The following MAPT variants were observed in gnomAD, a reference collection of about 807,000 sequenced individuals.
MAPT encodes microtubule-associated protein tau.
Under a neutral mutation model 67.9 loss-of-function variants are expected in MAPT, and 34 were observed. The observed-to-expected ratio is 0.50, with a 90% CI of 0.38 to 0.67. The LOEUF is 0.67. Ranked by LOEUF, MAPT falls within the 30% of genes least tolerant of loss-of-function variation. MAPT has a pLI of 0.00. For synonymous variants in MAPT, 456 were observed against 464.5 expected, an observed-to-expected ratio of 0.98 and a Z score of 0.23; for missense variants, 881 against 1,115.2, an observed-to-expected ratio of 0.79 and a Z score of 2.99.
intron 11 of MAPT, among the ~76,000 whole-genome samples, chr17:46,014,817 T>C (rs1347492005): frequency 6.7e-6 from 1 of 150,030 alleles, no homozygotes; most frequent in Non-Finnish European, 1.5e-5. Context: ...GAGCTTGCAG[T>C]GAGCGGAGTG....
At chr17:45,982,842 G>GCTAT in intron 4 of MAPT, 24 bp from the exon 5 acceptor site, 1 of 1,240,424 alleles carries the variant, frequency 8.1e-7, no homozygotes, top group Non-Finnish European at 1.0e-6. Context: ...CTAACCTTTT[G>GCTAT]CTATCGCTGC....
chr17:45,974,103 G>T, intron 3 of MAPT: 1 of 516,900 alleles, frequency 1.9e-6, no homozygotes, highest in Non-Finnish European at 3.5e-6. Context: ...CTGGGGCCAT[G>T]CCCAGCAGTC....
At chr17:45,977,497 T>A (rs1424299007) in intron 3 of MAPT, 1 of 152,212 alleles carries the variant, frequency 6.6e-6, no homozygotes, top group Non-Finnish European at 1.5e-5. Flanking sequence ...CTTATAAACT[T>A]TTTTTCTGGA....
chr17:45,968,046 C>G (rs1410340184), intron 2 of MAPT, among the ~76,000 whole-genome samples: 1 of 152,178 alleles, frequency 6.6e-6, no homozygotes, highest in Non-Finnish European at 1.5e-5. Context: ...ACCCTCCGCC[C>G]TTCATCCTGT....
At chr17:45,997,299 A>G (rs2145843296) in intron 9 of MAPT, among the ~76,000 whole-genome samples, 1 of 152,180 alleles carries the variant, frequency 6.6e-6, no homozygotes, top group South Asian at 2.1e-4. Flanking sequence ...CATACAAAGC[A>G]CCACAGTGAA....
chr17:45,970,673 G>A (rs2145446241), intron 2 of MAPT, among the ~76,000 whole-genome samples: 1 of 152,364 alleles, frequency 6.6e-6, no homozygotes, highest in African/African-American at 2.4e-5. Context: ...TTTTACAGAT[G>A]AGGAAACGGA....
At chr17:45,913,236 G>C (rs2064927629) in intron 1 of MAPT, among the ~76,000 whole-genome samples, 1 of 152,222 alleles carries the variant, frequency 6.6e-6, no homozygotes, top group Non-Finnish European at 1.5e-5. Flanking sequence ...GATGGCAGCA[G>C]ACAGACAGGG....
chr17:45,983,044 T>C lies in MAPT; in HGVS notation c.465T>C (p.Arg155=). Residue 155 remains arginine (R), a synonymous_variant, in exon 5 of 13, where the codon CGT becomes CGC. Coordinates refer to ENST00000262410, the MANE Select transcript of MAPT (RefSeq NM_001377265.1). ...TGACCGCGAGCCTTCCTCAGCACCGTCCCGTTTGCCCAGCGCCTCCTCCAA... is the reference window on the plus strand; with the variant it reads ...TGACCGCGAGCCTTCCTCAGCACCGCCCCGTTTGCCCAGCGCCTCCTCCAA... ...VPLTASLPQH[R]PVCPAPPPTG... 2 of 1,514,520 alleles carry C rather than the reference T, an allele frequency of 1.3e-6. No individual in the cohort carries two copies. The highest frequency in any genetic ancestry group is 1.4e-5 in the African/African-American group (1 of 72,066). 93.8% of individuals were successfully genotyped at this position (1,514,520 alleles called of 1,614,324 possible).
At chr17:45,943,064 C>G (rs2068137440) in intron 1 of MAPT, among the ~76,000 whole-genome samples, 1 of 152,100 alleles carries the variant, frequency 6.6e-6, no homozygotes, top group South Asian at 2.1e-4. Context: ...TGGCACTTCT[C>G]TTTTTTTGAG....
rs2074535383 is a variant in MAPT at position 45,996,977 on chromosome 17, C to T, written c.1998+313C>T. On this transcript the variant is annotated intron_variant, in intron 9 of 12. Transcript: ENST00000262410. This position sits in a 1 kb window ranked among gnomAD's most constrained non-coding sequence, Gnocchi z 4.5. ...TGTTAATCGGACAGAGATGGCAGGG[C>T]TGTGTCTCCACGGCCGGAGGCTCTC... Among the ~76,000 whole-genome samples the T allele has an allele frequency of 6.6e-6, 1 of 152,226 alleles. No homozygotes were observed. Among genetic ancestry groups the T allele is most frequent in the Non-Finnish European group, 1.5e-5 (1 of 68,050 alleles).
At position 45,906,408 on chromosome 17, in the gene MAPT, G is replaced by C. The variant is rs889095578; in HGVS notation, c.-18+11722G>C. Among the ~76,000 whole-genome samples, 1 of 152,140 alleles carries C rather than the reference G, an allele frequency of 6.6e-6. No individual in the cohort carries two copies. Among genetic ancestry groups the C allele is most frequent in the Non-Finnish European group, 1.5e-5 (1 of 68,010 alleles). ...TAGCATGTGACAGGAATCGATTAAGGCATGAGTGATTAAATTAAAGCCAGG... is the reference window on the plus strand; with the variant it reads ...TAGCATGTGACAGGAATCGATTAAGCCATGAGTGATTAAATTAAAGCCAGG... On this transcript the variant is annotated intron_variant, in intron 1 of 12. Transcript: ENST00000262410. This position sits in a 1 kb window ranked among gnomAD's most constrained non-coding sequence, Gnocchi z 4.3.
At chr17:45,903,109 T>G (rs1241788024) in intron 1 of MAPT, among the ~76,000 whole-genome samples, 3 of 152,144 alleles carry the variant, frequency 2.0e-5, no homozygotes, top group African/African-American at 7.2e-5. Context: ...TGTAATTGCT[T>G]GTCATGTGCT....
intron 1 of MAPT, among the ~76,000 whole-genome samples, chr17:45,941,641 T>TCCTTCCCCCCTTCCCC (rs1222427494): frequency 1.4e-5 from 1 of 70,518 alleles, no homozygotes; most frequent in African/African-American, 5.6e-5. Context: ...CCTCTTTCCC[T>TCCTTCCCCCCTTCCCC]CCTTCCCCCC....
chr17:45,962,026 C>T (rs1217427220), intron 1 of MAPT, among the ~76,000 whole-genome samples: 3 of 152,110 alleles, frequency 2.0e-5, no homozygotes, highest in East Asian at 1.9e-4. Context: ...CCACCCACCT[C>T]GGCCTCCCAA....
chr17:45,981,090 G>A (rs2072904898), intron 4 of MAPT, among the ~76,000 whole-genome samples: 1 of 152,200 alleles, frequency 6.6e-6, no homozygotes, highest in Non-Finnish European at 1.5e-5. Context: ...CGGGCCTCTT[G>A]GGGATGAGCC....
chr17:45,928,217 A>T (rs1377888897), intron 1 of MAPT, among the ~76,000 whole-genome samples: 1 of 152,148 alleles, frequency 6.6e-6, no homozygotes, highest in Admixed American at 6.5e-5. Context: ...CTCATCTTCC[A>T]GCCTTAGGAG....
intron 3 of MAPT, chr17:45,975,281 G>A (rs2072212018): frequency 6.6e-6 from 1 of 152,306 alleles, no homozygotes; most frequent in Non-Finnish European, 1.5e-5. Flanking sequence ...CACCAGCAGT[G>A]GAGAGTAGAG....
intron 1 of MAPT, among the ~76,000 whole-genome samples, chr17:45,957,291 T>C (rs2069847066): frequency 6.6e-6 from 1 of 152,222 alleles, no homozygotes; most frequent in Admixed American, 6.5e-5. Flanking sequence ...ATCGCCATTC[T>C]AACTGGTGTG....
intron 1 of MAPT, among the ~76,000 whole-genome samples, chr17:45,900,012 G>T (rs1050259990): frequency 6.6e-6 from 1 of 152,278 alleles, no homozygotes; most frequent in Non-Finnish European, 1.5e-5. Context: ...AGGGACATCA[G>T]ATCCCCAGCT....
Sources: allele counts gnomAD v4.1 joint callset (sites outside exome capture counted in the v4.1 genomes callset), GRCh38; gene constraint gnomAD v4.1.1; non-coding constraint Gnocchi (gnomAD v3.1); transcripts MANE v1.5; gene names NCBI Gene and HGNC (gene_info 2026-07-23, HGNC 2026-07-21).